The following SLX4 variants were observed in gnomAD, a reference collection of about 807,000 sequenced individuals.
SLX4 encodes the protein SLX4 structure-specific endonuclease subunit.
A neutral mutation model predicts 146.2 loss-of-function variants in SLX4; 112 were observed. The observed-to-expected ratio is 0.77, with a 90% confidence interval of 0.66 to 0.90. The LOEUF is 0.90. Ranked by LOEUF, SLX4 falls within the 40% of genes least tolerant of loss-of-function variation. The pLI is 0.00. For synonymous variants in SLX4, 1,061 were observed against 997.7 expected (o/e 1.06, Z -1.20); for missense variants, 2,563 against 2,392.7 (o/e 1.07, Z -1.49).
In SLX4 at chr16:3,595,262, G is replaced by A. The variant is rs547483078; in HGVS notation, c.2013+343C>T. ...CCAACTACTGAGGAACGAGCAGAGC[G>A]TGCCTGGATGGGGCAACCGCGCTGA... On this transcript the variant is annotated intron_variant, in intron 9 of 14. Coordinates refer to ENST00000294008, the MANE Select transcript of SLX4 (RefSeq NM_032444.4). 2.4e-4 allele frequency among the ~76,000 whole-genome samples: 36 copies of A among 152,344 alleles called. 1 individual carries two copies. The highest frequency in any genetic ancestry group is 6.2e-4 in the South Asian group (3 of 4,830).
chr16:3,605,430 C>G (rs1271211105), intron 3 of SLX4, among the ~76,000 whole-genome samples: 1 of 151,918 alleles, frequency 6.6e-6, no homozygotes, highest in East Asian at 2.0e-4. Context: ...ACTATGTTGT[C>G]CAGGCTGGTC....
chr16:3,594,342 G>T, intron 10 of SLX4, 111 bp downstream of exon 10: 2 of 1,421,474 alleles, frequency 1.4e-6, no homozygotes, highest in Non-Finnish European at 9.7e-7. Context: ...AAGTGAGGGA[G>T]AGTGGGGGGG....
intron 12 of SLX4, among the ~76,000 whole-genome samples, chr16:3,587,878 A>C (rs945544154): frequency 6.6e-6 from 1 of 152,116 alleles, no homozygotes; most frequent in Non-Finnish European, 1.5e-5. Context: ...CCTTTCTCCC[A>C]GTCATGCTCA....
chr16:3,591,925 CAGG>C (rs954520358), intron 11 of SLX4, among the ~76,000 whole-genome samples: 1 of 152,098 alleles, frequency 6.6e-6, no homozygotes, highest in African/African-American at 2.4e-5. Context: ...GAGGCGGAGG[CAGG>C]AGGATTGCTT....
chr16:3,583,634 A>AAGTCAGGCATCTATGGTT, intron 13 of SLX4, 124 bp from the exon 14 acceptor site: 1 of 1,023,534 alleles, frequency 9.8e-7, no homozygotes, highest in Non-Finnish European at 1.5e-6. Context: ...CAAACCATAG[A>AAGTCAGGCATCTATGGTT]TGCCTGACTT....
At chr16:3,605,933 C>T (rs1419816896) in intron 3 of SLX4, among the ~76,000 whole-genome samples, 5 of 107,054 alleles carry the variant, frequency 4.7e-5, no homozygotes, top group Middle Eastern at 0.01. Flanking sequence ...GGTGACGGAG[C>T]GAGACTCCAT....
chr16:3,587,918 G>A (rs1297859664), intron 12 of SLX4, among the ~76,000 whole-genome samples: 4 of 152,112 alleles, frequency 2.6e-5, no homozygotes, highest in South Asian at 2.1e-4. Context: ...TGCCCTCCCC[G>A]GAGGTGCCTG....
At chr16:3,592,996 G>A in intron 10 of SLX4, 131 bp from the exon 11 acceptor site, 2 of 898,670 alleles carry the variant, frequency 2.2e-6, no homozygotes, top group Non-Finnish European at 3.3e-6. Context: ...GTCTCCCCTT[G>A]TCACCCAGGC....
At chr16:3,604,216 C>CA (rs1215741550) in intron 3 of SLX4, among the ~76,000 whole-genome samples, 2,547 of 63,612 alleles carry the variant, frequency 0.04, 45 homozygotes, top group African/African-American at 0.085. Flanking sequence ...AAGCCTCTGT[C>CA]AAAAAAAAAA....
At position 3,594,526 on chromosome 16, in the gene SLX4, T is replaced by C; in HGVS notation, c.2087A>G (p.Gln696Arg). Reference sequence around the variant, plus strand: ...GTAAAGCACCTCCCCGCTGTCCGTCTGAAACTGGACATCACTCAGGTGTGG... The same window carrying C: ...GTAAAGCACCTCCCCGCTGTCCGTCCGAAACTGGACATCACTCAGGTGTGG... Reference protein sequence around the residue: ...NNPHLSDVQFQTDSGEVLYAH... With the variant: ...NNPHLSDVQFRTDSGEVLYAH... The change falls in exon 10 of 15, where the codon CAG (glutamine) becomes CGG (arginine). Residue 696 changes from glutamine (Q) to arginine (R), a missense_variant. Gln to Arg is a conservative substitution (Grantham distance 43, BLOSUM62 1). Coordinates refer to ENST00000294008, the MANE Select transcript of SLX4 (RefSeq NM_032444.4). 1 of 1,614,110 alleles carries C rather than the reference T, an allele frequency of 6.2e-7. No homozygotes were observed. The highest frequency in any genetic ancestry group is 8.5e-7 in the Non-Finnish European group (1 of 1,179,998).
At chr16:3,607,292 C>G (rs540703552) in intron 2 of SLX4, among the ~76,000 whole-genome samples, 1 of 152,126 alleles carries the variant, frequency 6.6e-6, no homozygotes, top group Non-Finnish European at 1.5e-5. Flanking sequence ...TGAGGCAACA[C>G]TGCTGATGCC....
rs566797597 is a variant in SLX4 at position 3,594,501 on chromosome 16, G to A, written c.2112C>T (p.Tyr704=). The A allele has an allele frequency of 2.0e-5, 32 of 1,614,068 alleles. No homozygotes were observed. The highest frequency in any genetic ancestry group is 1.7e-4 in the African/African-American group (13 of 75,044). ...GGGCATAAAGCACGAACTTGTGGGC[G>A]TAAAGCACCTCCCCGCTGTCCGTCT... ...QFQTDSGEVL[Y]AHKFVLYARC... Residue 704 remains tyrosine, a synonymous_variant, in exon 10 of 15, where the codon TAC becomes TAT. Coordinates refer to ENST00000294008, the MANE Select transcript of SLX4 (RefSeq NM_032444.4).
rs2040605637 is a variant in SLX4, at chr16:3,592,652, T to A, written c.2327+47A>T. 3 of 1,591,312 alleles carry A rather than the reference T, an allele frequency of 1.9e-6. No individual in the cohort carries two copies. In the African/African-American group the frequency reaches 4.0e-5, roughly 21 times the overall value. ...GCACAACCCTCCAGAGCTGTTAACC[T>A]GCCAGTCCTCGTCAGTTAATTTCAA... On this transcript the variant is annotated intron_variant, in intron 11 of 14. Coordinates refer to ENST00000294008, the MANE Select transcript of SLX4 (RefSeq NM_032444.4).
intron 2 of SLX4, among the ~76,000 whole-genome samples, chr16:3,607,215 T>G (rs1436291669): frequency 6.6e-6 from 1 of 152,114 alleles, no homozygotes; most frequent in Non-Finnish European, 1.5e-5. Context: ...CATGGATACG[T>G]GTTTTGGGGG....
intron 3 of SLX4, 115 bp from the exon 4 acceptor site, chr16:3,602,422 C>G (rs1448685414): frequency 8.2e-7 from 1 of 1,213,032 alleles, no homozygotes; most frequent in Non-Finnish European, 1.2e-6. Context: ...GCAAAGAAAC[C>G]AGAACCCAGC....
intron 10 of SLX4, among the ~76,000 whole-genome samples, chr16:3,594,036 T>C (rs2040621916): frequency 6.6e-6 from 1 of 152,006 alleles, no homozygotes; most frequent in Non-Finnish European, 1.5e-5. Context: ...CATGCCCGGC[T>C]AATTTTTTTG....
intron 12 of SLX4, among the ~76,000 whole-genome samples, chr16:3,587,558 C>G (rs554409392): frequency 1.4e-4 from 22 of 152,330 alleles, no homozygotes; most frequent in Non-Finnish European, 2.8e-4. Flanking sequence ...GCGGCAGGCT[C>G]TGTCTCCTGA....
chr16:3,594,345 TG>T (rs555719362), intron 10 of SLX4, 107 bp downstream of exon 10: 141 of 1,415,700 alleles, frequency 1.0e-4, no homozygotes, highest in East Asian at 9.3e-4. Flanking sequence ...TGAGGGAGAG[TG>T]GGGGGGTGGA....
rs2151121097 is a variant in SLX4, at chr16:3,589,145, A to G, written c.4493T>C (p.Leu1498Pro). ...LQEKSSGAGS[L>P]GNSRPSFLNS... is the part of the protein sequence containing the mutation. ...CAGAAAGCTCGGCCTGCTATTCCCC[A>G]GGGAGCCCGCGCCCGAGGACTTCTC... Residue 1498 changes from leucine to proline, a missense_variant, in exon 12 of 15, where the codon CTG (leucine) becomes CCG (proline). Transcript: ENST00000294008. This position sits in a 1 kb window ranked among gnomAD's most constrained non-coding sequence, Gnocchi z 6.2. 1 of 1,614,062 alleles carries G rather than the reference A, an allele frequency of 6.2e-7. No homozygotes were observed. Among genetic ancestry groups the G allele is most frequent in the African/African-American group, 1.3e-5 (1 of 75,030 alleles).
Sources: gnomAD v4.1 joint callset for allele counts (sites outside exome capture counted in the v4.1 genomes callset) on GRCh38, gnomAD v4.1.1 for gene constraint, Gnocchi (gnomAD v3.1) non-coding constraint, MANE v1.5 for transcripts, NCBI Gene and HGNC (gene_info 2026-07-23, HGNC 2026-07-21) for gene names.